AGBL1: variants seen among roughly 807,000 people sequenced by gnomAD.
AGBL1 encodes cytosolic carboxypeptidase 4.
Under a neutral mutation model 118.9 loss-of-function variants are expected in AGBL1, and 130 were observed. That is an observed-to-expected ratio of 1.09 (90% confidence interval 0.95 to 1.26). The LOEUF (loss-of-function observed/expected upper bound fraction) is 1.26. Ranked by LOEUF, AGBL1 falls within the 50% of genes most tolerant of loss-of-function variation. The pLI is 0.00. For missense variants in AGBL1, 1,584 were observed against 1,298.1 expected, an observed-to-expected ratio of 1.22 and a Z score of -3.38; for synonymous variants, 555 against 478.9, an observed-to-expected ratio of 1.16 and a Z score of -2.08.
chr15:86,153,630 C>G (rs1011662641), intron 3 of AGBL1, among the ~76,000 whole-genome samples: 1 of 152,146 alleles, frequency 6.6e-6, no homozygotes, highest in Non-Finnish European at 1.5e-5. Context: ...GCACGTTGTG[C>G]ACATGTCCCC....
At chr15:86,663,954 A>T (rs2085594342) in intron 21 of AGBL1, among the ~76,000 whole-genome samples, 1 of 152,174 alleles carries the variant, frequency 6.6e-6, no homozygotes, top group East Asian at 1.9e-4. Flanking sequence ...AAACATGGAA[A>T]TGTAATCACA....
chr15:86,157,858 G>A (rs117139720), intron 4 of AGBL1, among the ~76,000 whole-genome samples: 15 of 152,080 alleles, frequency 9.9e-5, no homozygotes, highest in Non-Finnish European at 1.3e-4. Context: ...CTCTAACCTC[G>A]GACAGGCATC....
intron 23 of AGBL1, among the ~76,000 whole-genome samples, chr15:86,986,916 T>G (rs912825327): frequency 6.6e-6 from 1 of 151,750 alleles, no homozygotes; most frequent in African/African-American, 2.4e-5. Flanking sequence ...AAAGGAGATA[T>G]GGGTGGGGTC....
intron 18 of AGBL1, among the ~76,000 whole-genome samples, chr15:86,453,810 C>G (rs1300030999): frequency 6.6e-6 from 1 of 151,818 alleles, no homozygotes; most frequent in Non-Finnish European, 1.5e-5. Flanking sequence ...CCAGCCTTAC[C>G]CATTGGAAAA....
In AGBL1 at chr15:86,474,510, C is replaced by T. The variant is rs768683150; in HGVS notation, c.2556-48300C>T. On this transcript the variant is annotated intron_variant, in intron 18 of 22. Transcript: ENST00000614907. ...AGCAGTCTGAGATCGAACTGCAAGG[C>T]GGCAGCAAGCCTGATGGAGGGGCAC... Among the ~76,000 whole-genome samples the T allele has an allele frequency of 2.0e-4, 31 of 152,310 alleles. 1 individual carries two copies. The highest frequency in any genetic ancestry group is 6.8e-3 in the Middle Eastern group (2 of 294).
intron 18 of AGBL1, among the ~76,000 whole-genome samples, chr15:86,522,197 AT>A (rs1270840494): frequency 6.6e-5 from 10 of 152,284 alleles, no homozygotes; most frequent in African/African-American, 2.4e-4. Flanking sequence ...CTAATATACC[AT>A]GATGATATAG....
At chr15:86,848,109 C>A (rs2079344739) in intron 22 of AGBL1, among the ~76,000 whole-genome samples, 1 of 152,126 alleles carries the variant, frequency 6.6e-6, no homozygotes, top group South Asian at 2.1e-4. Context: ...ACTGGACCCA[C>A]TCTGTTAGAA....
chr15:86,596,350 C>A (rs905993997), intron 21 of AGBL1, among the ~76,000 whole-genome samples: 2 of 152,118 alleles, frequency 1.3e-5, no homozygotes, highest in Non-Finnish European at 2.9e-5. Context: ...GATATATGAA[C>A]TTCTGTTCCT....
intron 1 of AGBL1, among the ~76,000 whole-genome samples, chr15:86,094,696 A>T (rs1896242759): frequency 6.6e-6 from 1 of 152,186 alleles, no homozygotes. Flanking sequence ...ATCATTGACC[A>T]GTCATTGGAT....
intron 23 of AGBL1, among the ~76,000 whole-genome samples, chr15:86,979,582 G>T (rs1479045610): frequency 6.6e-6 from 1 of 151,842 alleles, no homozygotes. Flanking sequence ...TCCGCCTCCC[G>T]GGTTCACGCC....
At position 87,023,091 on chromosome 15, in the gene AGBL1, G is replaced by A. The variant is rs148812155; in HGVS notation, c.3324-5734G>A. ...AAGTCAAAAAAACCAAGGTACACAG[G>A]CAACAAATAGCATGATGAATGGAAT... On this transcript the variant is annotated intron_variant, in intron 24 of 24. Transcript: ENST00000441037. Among the ~76,000 whole-genome samples the A allele has an allele frequency of 3.0e-3, 457 of 151,924 alleles. 5 individuals carry two copies. Among genetic ancestry groups the A allele is most frequent in the African/African-American group, 0.011 (438 of 41,458 alleles).
chr15:86,491,658 G>A (rs960446637), intron 18 of AGBL1, among the ~76,000 whole-genome samples: 2 of 152,180 alleles, frequency 1.3e-5, no homozygotes, highest in Non-Finnish European at 1.5e-5. Context: ...AAATCATTAG[G>A]GGTAGAGAGG....
In AGBL1 at chr15:86,287,908, A is replaced by T. The variant is rs928566607; in HGVS notation, c.2221-7347A>T. Among the ~76,000 whole-genome samples, 5 of 152,212 alleles carry T rather than the reference A, an allele frequency of 3.3e-5. No individual in the cohort carries two copies. The South Asian group carries it at 1.0e-3, about 31-fold the overall frequency. ...CACTGGTGCTAGTTTTTCTTCTAAC[A>T]GTTCACAATGCATATTGAAATATTA... On this transcript the variant is annotated intron_variant, in intron 16 of 22. Transcript: ENST00000614907.
intron 17 of AGBL1, among the ~76,000 whole-genome samples, chr15:86,348,876 C>T (rs1046715739): frequency 6.6e-6 from 1 of 151,580 alleles, no homozygotes; most frequent in Admixed American, 6.6e-5. Context: ...AAATTCATGT[C>T]CATTCAGAAA....
intron 22 of AGBL1, among the ~76,000 whole-genome samples, chr15:86,894,550 G>C (rs988685063): frequency 6.6e-6 from 1 of 152,110 alleles, no homozygotes; most frequent in Non-Finnish European, 1.5e-5. Context: ...GGACCGCTAG[G>C]CTAACTTAAG....
At chr15:86,106,009 T>G (rs1246325162) in intron 1 of AGBL1, among the ~76,000 whole-genome samples, 1 of 152,216 alleles carries the variant, frequency 6.6e-6, no homozygotes, top group Non-Finnish European at 1.5e-5. Flanking sequence ...TGTCTTTGCT[T>G]CTAAATGTTT....
intron 22 of AGBL1, among the ~76,000 whole-genome samples, chr15:86,774,138 G>A (rs1004164304): frequency 6.6e-6 from 1 of 152,098 alleles, no homozygotes; most frequent in South Asian, 2.1e-4. Context: ...AGAAATTAGA[G>A]TGATGTGCAC....
chr15:86,152,164 CTA>C (rs1555436927), intron 3 of AGBL1, among the ~76,000 whole-genome samples: 1 of 111,786 alleles, frequency 8.9e-6, no homozygotes, highest in Non-Finnish European at 1.7e-5. Flanking sequence ...TTGGAAAAAA[CTA>C]TTTTTAAATT....
chr15:86,549,617 C>T (rs1459864591), intron 20 of AGBL1, among the ~76,000 whole-genome samples: 1 of 151,806 alleles, frequency 6.6e-6, no homozygotes. Flanking sequence ...TGTGAAGAAT[C>T]AAGAATGTGA....
Sources: gnomAD v4.1 joint callset for allele counts (sites outside exome capture counted in the v4.1 genomes callset) on GRCh38, gnomAD v4.1.1 for gene constraint, MANE v1.5 for transcripts, NCBI Gene and HGNC (gene_info 2026-07-23, HGNC 2026-07-21) for gene names.